The following CSMD1 variants were observed in gnomAD, a reference collection of about 807,000 sequenced individuals.
CSMD1 encodes the protein CUB and Sushi multiple domains 1.
CSMD1 carries 213 observed loss-of-function variants against 417.5 expected under a neutral mutation model. That is an observed-to-expected ratio of 0.51 (90% confidence interval 0.46 to 0.57). CSMD1 has a LOEUF of 0.57. CSMD1 is among the 20% of genes least tolerant of loss of function. The pLI is 0.00. For synonymous variants in CSMD1, 2,862 were observed against 1,736.8 expected (o/e 1.65, Z -16.11); for missense variants, 6,923 against 4,529.7 (o/e 1.53, Z -15.17).
At chr8:3,303,382 C>G (rs1289709481) in intron 25 of CSMD1, among the ~76,000 whole-genome samples, 1 of 152,126 alleles carries the variant, frequency 6.6e-6, no homozygotes, top group Non-Finnish European at 1.5e-5. Flanking sequence ...AAAGAAAATC[C>G]AGGTCAGGAC....
At chr8:4,324,895 T>A (rs1435097140) in intron 3 of CSMD1, among the ~76,000 whole-genome samples, 1 of 152,168 alleles carries the variant, frequency 6.6e-6, no homozygotes, top group African/African-American at 2.4e-5. Context: ...CAAGGCACTC[T>A]GAGTCCTGAG....
intron 3 of CSMD1, among the ~76,000 whole-genome samples, chr8:4,290,631 T>C (rs757553376): frequency 2.0e-5 from 3 of 152,232 alleles, no homozygotes; most frequent in Non-Finnish European, 4.4e-5. Flanking sequence ...TTAGGAAAGA[T>C]TCCTTGTGAG....
At chr8:4,273,918 T>C (rs1804759256) in intron 3 of CSMD1, among the ~76,000 whole-genome samples, 1 of 152,188 alleles carries the variant, frequency 6.6e-6, no homozygotes, top group South Asian at 2.1e-4. Context: ...CCATTATCAC[T>C]GGATTACTTT....
Position 2,936,241 on chromosome 8 carries a change from T to G in CSMD1, c.*2344A>C, listed in dbSNP as rs1801456002. On this transcript the variant is annotated 3_prime_UTR_variant, in exon 70 of 70. Transcript: ENST00000635120. ...TGGTTTCTTGTATGTATGTATGTCC[T>G]GTCATTTCAGGATTTCATAGCATCG... 6.7e-6 allele frequency: 1 copy of G among 149,148 alleles called. No individual in the cohort carries two copies. The highest frequency in any genetic ancestry group is 6.7e-5 in the Admixed American group (1 of 14,954). 9.2% of individuals were successfully genotyped at this position (149,148 alleles called of 1,614,324 possible).
At chr8:4,497,722 C>G (rs561294772) in intron 2 of CSMD1, among the ~76,000 whole-genome samples, 2 of 152,328 alleles carry the variant, frequency 1.3e-5, no homozygotes, top group East Asian at 1.9e-4. Context: ...TAAAAATACA[C>G]AACTCCTTTC....
intron 3 of CSMD1, among the ~76,000 whole-genome samples, chr8:4,179,126 C>A (rs1798215919): frequency 2.0e-5 from 3 of 152,148 alleles, no homozygotes; most frequent in Non-Finnish European, 2.9e-5. Context: ...CCAAGTCAAT[C>A]CTAAGCCAAA....
chr8:4,382,598 C>G (rs965229198), intron 3 of CSMD1, among the ~76,000 whole-genome samples: 1 of 152,178 alleles, frequency 6.6e-6, no homozygotes, highest in African/African-American at 2.4e-5. Flanking sequence ...ACTTGAGTAT[C>G]CATTAAATCT....
intron 5 of CSMD1, among the ~76,000 whole-genome samples, chr8:3,925,115 G>C (rs1052371123): frequency 6.6e-5 from 10 of 152,180 alleles, no homozygotes; most frequent in African/African-American, 2.2e-4. Context: ...AGTCAGTAAA[G>C]AGAGCCTGAG....
intron 10 of CSMD1, among the ~76,000 whole-genome samples, chr8:3,562,636 C>T (rs1471334260): frequency 2.0e-5 from 3 of 151,886 alleles, no homozygotes; most frequent in Non-Finnish European, 4.4e-5. Flanking sequence ...AGGCAAATAT[C>T]CTGGATCTGT....
intron 3 of CSMD1, among the ~76,000 whole-genome samples, chr8:4,193,913 G>C (rs1459834071): frequency 1.3e-5 from 2 of 151,862 alleles, no homozygotes; most frequent in East Asian, 1.9e-4. Flanking sequence ...AGCGGCAGGA[G>C]AAAGTACAAT....
At position 3,062,739 on chromosome 8, in the gene CSMD1, T is replaced by C. The variant is rs1018791068; in HGVS notation, c.7475-10092A>G. Among the ~76,000 whole-genome samples, 5 of 152,168 alleles carry C rather than the reference T, an allele frequency of 3.3e-5. No homozygotes were observed. The East Asian group carries it at 5.8e-4, about 18-fold the overall frequency. On this transcript the variant is annotated intron_variant, in intron 49 of 69. Transcript: ENST00000635120. ...AGCTATGAAAAAGAAGGCAGCAGAATAGGGTTGGCAAATAAACAGCTAATT... is the reference window on the plus strand; with the variant it reads ...AGCTATGAAAAAGAAGGCAGCAGAACAGGGTTGGCAAATAAACAGCTAATT...
chr8:4,570,691 C>T (rs2725051), intron 2 of CSMD1, among the ~76,000 whole-genome samples: 129,100 of 152,172 alleles, frequency 0.85, 54,823 homozygotes, highest in Non-Finnish European at 0.87. Context: ...TCTTTTTCTA[C>T]TGTTTGGAAT....
chr8:4,295,320 ATG>A (rs1797614423), intron 3 of CSMD1, among the ~76,000 whole-genome samples: 4 of 113,618 alleles, frequency 3.5e-5, no homozygotes, highest in Non-Finnish European at 8.3e-5. Context: ...TCTTAAGATT[ATG>A]CACATATAAT....
At chr8:4,349,464 G>A (rs766830227) in intron 3 of CSMD1, among the ~76,000 whole-genome samples, 3 of 152,084 alleles carry the variant, frequency 2.0e-5, no homozygotes, top group African/African-American at 7.2e-5. Context: ...TATGTCTCAG[G>A]TTATATAGGT....
At chr8:3,498,054 G>C (rs34808671) in intron 10 of CSMD1, among the ~76,000 whole-genome samples, 7,546 of 152,212 alleles carry the variant, frequency 0.05, 208 homozygotes, top group African/African-American at 0.063. Flanking sequence ...CTAATGTATA[G>C]CTTTGCTGGG....
chr8:3,842,877 C>T, intron 5 of CSMD1, among the ~76,000 whole-genome samples: 1 of 152,110 alleles, frequency 6.6e-6, no homozygotes, highest in East Asian at 1.9e-4. Context: ...ATTTGTTTCA[C>T]AAACTTGACA....
chr8:4,906,095 C>G (rs1033319615), intron 1 of CSMD1, among the ~76,000 whole-genome samples: 1 of 152,116 alleles, frequency 6.6e-6, no homozygotes, highest in African/African-American at 2.4e-5. Context: ...GACCAATAAT[C>G]AAATTATCCT....
chr8:4,700,377 C>A (rs973942792), intron 1 of CSMD1, among the ~76,000 whole-genome samples: 1 of 151,812 alleles, frequency 6.6e-6, no homozygotes, highest in Non-Finnish European at 1.5e-5. Context: ...TGTTATCAAC[C>A]TGATCATTTG....
At chr8:4,671,762 C>G (rs183945626) in intron 1 of CSMD1, among the ~76,000 whole-genome samples, 1 of 152,110 alleles carries the variant, frequency 6.6e-6, no homozygotes, top group African/African-American at 2.4e-5. Context: ...TGTGCTTGCA[C>G]GCTCACAAGC....
Sources: gnomAD v4.1 joint callset for allele counts (sites outside exome capture counted in the v4.1 genomes callset) on GRCh38, gnomAD v4.1.1 for gene constraint, MANE v1.5 for transcripts, NCBI Gene and HGNC (gene_info 2026-07-23, HGNC 2026-07-21) for gene names.